Variants in SHB observed in about 807,000 individuals in gnomAD.
The protein encoded by SHB is SH2 domain containing adaptor protein B.
Under a neutral mutation model 52.3 loss-of-function variants are expected in SHB, and 20 were observed. The observed-to-expected ratio is 0.38, with a 90% CI of 0.27 to 0.56. SHB has a LOEUF of 0.56. Ranked by LOEUF, SHB falls within the 20% of genes least tolerant of loss-of-function variation. The probability of loss-of-function intolerance (pLI) is 0.71; values close to 1 mark genes in which losing one functional copy is unlikely to be tolerated. For missense variants in SHB, 825 were observed against 723.3 expected (o/e 1.14, Z -1.61); for synonymous variants, 397 against 316.5 (o/e 1.25, Z -2.70).
chr9:38,003,775 A>G (rs544473795), intron 2 of SHB, among the ~76,000 whole-genome samples: 1 of 152,322 alleles, frequency 6.6e-6, no homozygotes, highest in African/African-American at 2.4e-5. Flanking sequence ...CCCTTCCCCC[A>G]GTAAAGACTC....
At chr9:37,988,915 T>C (rs1315341485) in intron 2 of SHB, among the ~76,000 whole-genome samples, 4 of 152,236 alleles carry the variant, frequency 2.6e-5, no homozygotes, top group Non-Finnish European at 4.4e-5. Context: ...AACTACATCA[T>C]TGACTCTCCT....
In SHB at chr9:37,917,537, T is replaced by A. The variant is rs1319673305; in HGVS notation, c.*2284A>T. ...TGGACCTGAACTTGCCAGTGTGAGG[T>A]CTCACCCTCCTCCCCCGCCGGAGGG... On this transcript the variant is annotated 3_prime_UTR_variant, in exon 6 of 6. Coordinates refer to ENST00000377707, the MANE Select transcript of SHB (RefSeq NM_003028.3). 1.3e-5 allele frequency among the ~76,000 whole-genome samples: 2 copies of A among 152,010 alleles called. No homozygotes were observed. Among genetic ancestry groups the A allele is most frequent in the African/African-American group, 4.8e-5 (2 of 41,402 alleles).
intron 1 of SHB, among the ~76,000 whole-genome samples, chr9:38,067,379 G>A (rs1821983365): frequency 6.6e-6 from 1 of 152,198 alleles, no homozygotes; most frequent in Non-Finnish European, 1.5e-5. Context: ...AGGCAGCCCG[G>A]ATTTGGAAAC....
intron 3 of SHB, among the ~76,000 whole-genome samples, chr9:37,967,281 T>C (rs762895838): frequency 6.6e-6 from 1 of 152,236 alleles, no homozygotes. Context: ...AATTAGCTAG[T>C]TGAGCTGGCT....
chr9:37,944,249 C>G (rs986117893), intron 5 of SHB, among the ~76,000 whole-genome samples: 2 of 152,152 alleles, frequency 1.3e-5, no homozygotes, highest in South Asian at 4.2e-4. Flanking sequence ...TGGGTCACTG[C>G]AAGTGCAGAA....
chr9:38,025,022 A>G (rs1821323196), intron 1 of SHB, among the ~76,000 whole-genome samples: 1 of 152,220 alleles, frequency 6.6e-6, no homozygotes, highest in South Asian at 2.1e-4. Flanking sequence ...AGTTAATGCC[A>G]GGACCAGGTA....
intron 1 of SHB, among the ~76,000 whole-genome samples, chr9:38,017,545 G>T (rs1298639372): frequency 6.6e-6 from 1 of 152,238 alleles, no homozygotes; most frequent in Non-Finnish European, 1.5e-5. Context: ...CTCTGTCCCT[G>T]GCAAGTGGCT....
chr9:38,009,801 C>G (rs1358713454), intron 2 of SHB, among the ~76,000 whole-genome samples: 1 of 152,212 alleles, frequency 6.6e-6, no homozygotes, highest in Non-Finnish European at 1.5e-5. Flanking sequence ...ACAGCCACGT[C>G]AAAGCAGGGG....
intron 3 of SHB, among the ~76,000 whole-genome samples, chr9:37,964,562 C>T (rs1832728380): frequency 6.6e-6 from 1 of 152,132 alleles, no homozygotes; most frequent in African/African-American, 2.4e-5. Context: ...TATTTATTGT[C>T]ATAACTCATT....
chr9:38,014,027 A>G (rs2118072413), intron 2 of SHB, among the ~76,000 whole-genome samples: 1 of 152,276 alleles, frequency 6.6e-6, no homozygotes, highest in East Asian at 1.9e-4. Flanking sequence ...CCTCATGTCT[A>G]GGTGCCCCAG....
In SHB at chr9:37,919,999, T is replaced by G. The variant is rs76153514; in HGVS notation, c.1352A>C (p.Asn451Thr). Residue 451 changes from asparagine (N) to threonine (T), a missense_variant, in exon 6 of 6, where the codon AAC becomes ACC. Physicochemically the swap from Asn to Thr is moderately conservative, Grantham distance 65. Transcript: ENST00000377707. The stretch of plus-strand genomic sequence containing the variant: ...CAGTTTCATGTGCATAAAACCCTGG[T>G]TGCTCCTGTGAACAAAACACAGAGT... ...KHDYSLSLRS[N>T]QGFMHMKLAK... 15 of 1,613,802 alleles carry G rather than the reference T, an allele frequency of 9.3e-6. No homozygotes were observed. The East Asian group carries it at 3.3e-4, about 36-fold the overall frequency.
intron 1 of SHB, among the ~76,000 whole-genome samples, chr9:38,023,461 C>T (rs866182920): frequency 6.6e-6 from 1 of 152,124 alleles, no homozygotes; most frequent in Non-Finnish European, 1.5e-5. Context: ...AAGGTAAGTG[C>T]GGTGAGGGGC....
At chr9:37,932,296 A>C (rs1832321418) in intron 5 of SHB, among the ~76,000 whole-genome samples, 1 of 141,776 alleles carries the variant, frequency 7.1e-6, no homozygotes, top group Admixed American at 7.0e-5. Flanking sequence ...AAAAAAAAAG[A>C]AAAGAAAAAT....
chr9:38,021,427 G>C (rs958597949), intron 1 of SHB, among the ~76,000 whole-genome samples: 1 of 152,114 alleles, frequency 6.6e-6, no homozygotes, highest in Non-Finnish European at 1.5e-5. Context: ...AGGCCGAGGT[G>C]GGCAGATAAC....
intron 5 of SHB, among the ~76,000 whole-genome samples, chr9:37,935,708 C>T (rs369237298): frequency 2.0e-5 from 3 of 152,064 alleles, no homozygotes; most frequent in East Asian, 3.9e-4. Context: ...GCTAGTAAGA[C>T]GCAGAATCGA....
Position 38,068,612 on chromosome 9 carries a change from C to A in SHB, c.34G>T (p.Gly12Cys). Residue 12 changes from glycine (G) to cysteine (C), a missense_variant, in exon 1 of 6, where the codon GGC becomes TGC. Gly to Cys is a radical substitution (Grantham distance 159, BLOSUM62 -3). Coordinates refer to ENST00000377707, the MANE Select transcript of SHB (RefSeq NM_003028.3). ...GGGGGGCTCTTGGTCTTGCTGTTGC[C>A]CAAGCTGAAGTACTTGTTTAGCCAC... ...AKWLNKYFSL[G>C]NSKTKSPPQP... 1 of 1,491,556 alleles carries A rather than the reference C, an allele frequency of 6.7e-7. No homozygotes were observed. Among genetic ancestry groups the A allele is most frequent in the South Asian group, 1.3e-5 (1 of 77,710 alleles). The allele number at this position is 1,491,556 out of a possible 1,614,324, so 92.4% of individuals were successfully genotyped here. A position where few individuals can be genotyped will look rare whatever the true frequency, so the allele number is the denominator to read the frequency against.
At chr9:37,989,043 T>C (rs1051693544) in intron 2 of SHB, among the ~76,000 whole-genome samples, 1 of 28,440 alleles carries the variant, frequency 3.5e-5, no homozygotes, top group African/African-American at 2.3e-4. Context: ...CATGATCCAT[T>C]TTTTTTTTTA....
chr9:38,019,732 T>A (rs1217185076), intron 1 of SHB, among the ~76,000 whole-genome samples: 5 of 150,828 alleles, frequency 3.3e-5, no homozygotes, highest in Admixed American at 1.3e-4. Context: ...GCAATTTTAC[T>A]TCTCAGTATT....
intron 3 of SHB, 56 bp from the exon 4 acceptor site, chr9:37,956,110 G>A (rs1832629560): frequency 1.3e-6 from 2 of 1,499,126 alleles, no homozygotes; most frequent in South Asian, 1.2e-5. Context: ...GGGAGCTACT[G>A]TGAGGCACAG....
Sources: allele counts gnomAD v4.1 joint callset (sites outside exome capture counted in the v4.1 genomes callset), GRCh38; gene constraint gnomAD v4.1.1; transcripts MANE v1.5; gene names NCBI Gene and HGNC (gene_info 2026-07-23, HGNC 2026-07-21).